The following NPAS3 variants were observed in gnomAD, a reference collection of about 807,000 sequenced individuals.
NPAS3 encodes the protein neuronal PAS domain-containing protein 3.
Under a neutral mutation model 73.1 loss-of-function variants are expected in NPAS3, and 14 were observed. That is an observed-to-expected ratio of 0.19 (90% confidence interval 0.13 to 0.30). The LOEUF (loss-of-function observed/expected upper bound fraction) is 0.30. Among genes scored for constraint, NPAS3 ranks in the 10% least tolerant of loss-of-function variants. The pLI is 1.00. For synonymous variants in NPAS3, 620 were observed against 541.5 expected, an observed-to-expected ratio of 1.14 and a Z score of -2.01; for missense variants, 1,096 against 1,250.0, an observed-to-expected ratio of 0.88 and a Z score of 1.86.
At chr14:33,704,882 G>T (rs2060615374) in intron 6 of NPAS3, among the ~76,000 whole-genome samples, 1 of 152,148 alleles carries the variant, frequency 6.6e-6, no homozygotes, top group South Asian at 2.1e-4. Flanking sequence ...TAAGCTTTGG[G>T]TGGAAAGAAG....
intron 6 of NPAS3, among the ~76,000 whole-genome samples, chr14:33,686,957 G>GAAAC (rs546084760): frequency 3.3e-5 from 5 of 152,054 alleles, no homozygotes; most frequent in African/African-American, 2.4e-5. Flanking sequence ...GAGAAGACCA[G>GAAAC]AAACAAACAA....
intron 2 of NPAS3, among the ~76,000 whole-genome samples, chr14:33,129,760 A>G (rs1158242029): frequency 6.6e-6 from 1 of 152,168 alleles, no homozygotes; most frequent in Admixed American, 6.6e-5. Context: ...TCAGAGGTAG[A>G]AGATTTTATC....
At chr14:33,709,531 C>T (rs1368843455) in intron 6 of NPAS3, among the ~76,000 whole-genome samples, 1 of 152,136 alleles carries the variant, frequency 6.6e-6, no homozygotes, top group Non-Finnish European at 1.5e-5. Context: ...CAGAGAGTAA[C>T]AGCACAAGGA....
At chr14:33,704,679 G>T (rs2060610321) in intron 6 of NPAS3, among the ~76,000 whole-genome samples, 1 of 152,176 alleles carries the variant, frequency 6.6e-6, no homozygotes, top group Non-Finnish European at 1.5e-5. Context: ...CACATGACTA[G>T]CTTGCCAGCA....
chr14:33,326,846 G>A (rs2043731954), intron 3 of NPAS3, among the ~76,000 whole-genome samples: 1 of 152,180 alleles, frequency 6.6e-6, no homozygotes, highest in Non-Finnish European at 1.5e-5. Context: ...AATGTCGGTA[G>A]CAGGTATACA....
chr14:33,107,577 A>G (rs1450163704), intron 2 of NPAS3, among the ~76,000 whole-genome samples: 1 of 152,160 alleles, frequency 6.6e-6, no homozygotes, highest in Non-Finnish European at 1.5e-5. Flanking sequence ...TTGCAGCAAA[A>G]GACACAATTT....
chr14:33,560,126 G>C (rs1044863519), exon 5 of NPAS3: 1 of 863,386 alleles, frequency 1.2e-6, no homozygotes, highest in East Asian at 2.4e-5. Context: ...TGCAGTCCCT[G>C]GATGGCTTTG....
intron 1 of NPAS3, among the ~76,000 whole-genome samples, chr14:32,987,513 A>T (rs1015149467): frequency 6.6e-6 from 1 of 152,094 alleles, no homozygotes; most frequent in Non-Finnish European, 1.5e-5. Flanking sequence ...AAGTTTTCTT[A>T]TTTTTTATTT....
intron 3 of NPAS3, among the ~76,000 whole-genome samples, chr14:33,358,871 A>G (rs1273337873): frequency 6.6e-6 from 1 of 152,216 alleles, no homozygotes; most frequent in African/African-American, 2.4e-5. Flanking sequence ...ATACCCTTCC[A>G]TATTATAAGG....
chr14:32,964,895 A>C (rs1402836516), intron 1 of NPAS3, among the ~76,000 whole-genome samples: 2 of 152,050 alleles, frequency 1.3e-5, no homozygotes, highest in Middle Eastern at 3.2e-3. Context: ...TCTTGAGCCC[A>C]GGAGTTGGAG....
At chr14:33,359,760 C>G (rs2045506146) in intron 3 of NPAS3, among the ~76,000 whole-genome samples, 1 of 152,082 alleles carries the variant, frequency 6.6e-6, no homozygotes. Context: ...ATTCACATCC[C>G]AAATTTGGTA....
chr14:33,630,427 A>C (rs530044343), intron 5 of NPAS3, among the ~76,000 whole-genome samples: 10 of 152,350 alleles, frequency 6.6e-5, no homozygotes, highest in African/African-American at 2.4e-4. Flanking sequence ...GTATTCCTTA[A>C]TTATCCCACT....
intron 1 of NPAS3, among the ~76,000 whole-genome samples, chr14:33,022,980 T>A (rs923166237): frequency 6.6e-6 from 1 of 152,056 alleles, no homozygotes; most frequent in African/African-American, 2.4e-5. Flanking sequence ...AAATTTTTAA[T>A]CTAAAACTGT....
At position 33,582,970 on chromosome 14, in the gene NPAS3, G is replaced by GTTTTTTTTTTTTTTTTTTTTTTTTTTT. The variant is rs55885070; in HGVS notation, c.558+22776_558+22777insTTTTTTTTTTTTTTTTTTTTTTTTTTT. Among the ~76,000 whole-genome samples, 17 of 93,286 alleles carry GTTTTTTTTTTTTTTTTTTTTTTTTTTT rather than the reference G, an allele frequency of 1.8e-4. 1 individual carries two copies. The highest frequency in any genetic ancestry group is 6.3e-4 in the African/African-American group (8 of 12,782). The allele number at this position is 93,286 out of a possible 152,430, so 61.2% of individuals were successfully genotyped here. A position where few individuals can be genotyped will look rare whatever the true frequency, so the allele number is the denominator to read the frequency against. On this transcript the variant is annotated intron_variant, in intron 5 of 11. Transcript: ENST00000356141. ...TCCTTTGGACCTAGATATTTAAAGGGTTTTTTTTTTTTTTTTGGCTACTGG... is the reference window on the plus strand; with the variant it reads ...TCCTTTGGACCTAGATATTTAAAGGGTTTTTTTTTTTTTTTTTTTTTTTTTTTTTTTTTTTTTTTTTTTGGCTACTGG...
chr14:33,183,008 A>C (rs1268531773), intron 2 of NPAS3, among the ~76,000 whole-genome samples: 2 of 152,092 alleles, frequency 1.3e-5, no homozygotes, highest in Non-Finnish European at 2.9e-5. Flanking sequence ...TCCCTTCTTC[A>C]AGAAAATATC....
At chr14:33,099,558 C>A (rs2042523754) in intron 2 of NPAS3, among the ~76,000 whole-genome samples, 2 of 152,086 alleles carry the variant, frequency 1.3e-5, no homozygotes, top group South Asian at 4.1e-4. Context: ...ATAAGGTAAA[C>A]TCTTCTCTAA....
intron 2 of NPAS3, among the ~76,000 whole-genome samples, chr14:33,155,026 T>C (rs984688697): frequency 6.6e-6 from 1 of 152,208 alleles, no homozygotes; most frequent in Admixed American, 6.5e-5. Context: ...TAATTTTTTT[T>C]CAGCCATCTA....
At chr14:33,752,563 C>A (rs2061994838) in intron 7 of NPAS3, among the ~76,000 whole-genome samples, 1 of 152,200 alleles carries the variant, frequency 6.6e-6, no homozygotes, top group Non-Finnish European at 1.5e-5. Flanking sequence ...GCACAATAAA[C>A]AAACATGCAT....
intron 4 of NPAS3, among the ~76,000 whole-genome samples, chr14:33,368,465 G>C (rs979230914): frequency 1.2e-4 from 18 of 152,076 alleles, no homozygotes; most frequent in African/African-American, 4.3e-4. Context: ...AGTTTATAGG[G>C]TAAAGTCCAG....
Sources: gnomAD v4.1 joint callset for allele counts (sites outside exome capture counted in the v4.1 genomes callset) on GRCh38, gnomAD v4.1.1 for gene constraint, MANE v1.5 for transcripts, NCBI Gene and HGNC (gene_info 2026-07-23, HGNC 2026-07-21) for gene names.